CTSZ: variants seen among roughly 807,000 people sequenced by gnomAD.
CTSZ encodes the protein carboxypeptidase LB.
CTSZ carries 39 observed loss-of-function variants against 32.4 expected under a neutral mutation model. The ratio of observed to expected loss-of-function variants is 1.20; its 90% CI spans 0.93 to 1.57. CTSZ has a LOEUF of 1.57. Ranked by LOEUF, CTSZ falls within the 40% of genes most tolerant of loss-of-function variation. CTSZ has a pLI of 0.00. For synonymous variants in CTSZ, 168 were observed against 170.1 expected, an observed-to-expected ratio of 0.99 and a Z score of 0.10; for missense variants, 397 against 419.6, an observed-to-expected ratio of 0.95 and a Z score of 0.47.
Position 59,007,086 on chromosome 20 carries a change from C to G in CTSZ, c.43G>C (p.Val15Leu), listed in dbSNP as rs2091912176. ...CCCTGCGCCGCGCCCGCCAGCAGCA[C>G]GAGCAGCAGAAGCGGCCGCCACCCT... Reference protein sequence around the residue: ...GPGWRPLLLLVLLAGAAQGGL... With the variant: ...GPGWRPLLLLLLLAGAAQGGL... The change falls in exon 1 of 6, where the codon GTG becomes CTG. Residue 15 changes from valine (V) to leucine (L), a missense_variant. Coordinates refer to ENST00000217131, the MANE Select transcript of CTSZ (RefSeq NM_001336.4). 3 of 1,455,526 alleles carry G rather than the reference C, an allele frequency of 2.1e-6. No individual in the cohort carries two copies. Among genetic ancestry groups the G allele is most frequent in the Admixed American group, 2.5e-5 (1 of 39,568 alleles). 90.2% of individuals were successfully genotyped at this position (1,455,526 alleles called of 1,614,324 possible).
intron 2 of CTSZ, among the ~76,000 whole-genome samples, chr20:59,005,474 C>T (rs1352818422): frequency 6.6e-6 from 1 of 152,240 alleles, no homozygotes; most frequent in Non-Finnish European, 1.5e-5. Context: ...GGAGCACACG[C>T]AAACGCATGT....
At chr20:58,999,601 G>A (rs566321974) in intron 3 of CTSZ, among the ~76,000 whole-genome samples, 89 of 152,360 alleles carry the variant, frequency 5.8e-4, no homozygotes, top group African/African-American at 2.0e-3. Flanking sequence ...AGGCAAGGGA[G>A]CCCCGTTGGC....
chr20:59,000,430 G>A (rs1950342154), intron 3 of CTSZ, among the ~76,000 whole-genome samples: 1 of 152,230 alleles, frequency 6.6e-6, no homozygotes. Context: ...ATTAGGGTCT[G>A]GACTTTTCTT....
intron 3 of CTSZ, 144 bp downstream of exon 3, chr20:59,001,321 G>A: frequency 4.3e-6 from 4 of 925,158 alleles, no homozygotes; most frequent in Non-Finnish European, 6.4e-6. Context: ...GCCCCTGGGG[G>A]CTGCAACCTC....
intron 1 of CTSZ, 70 bp from the exon 2 acceptor site, chr20:59,006,555 G>C (rs1444281118): frequency 4.0e-6 from 6 of 1,496,430 alleles, no homozygotes; most frequent in African/African-American, 1.4e-5. Context: ...GGAAGCCCTC[G>C]GTAGGGCCCT....
chr20:59,006,540 G>A, intron 1 of CTSZ, 55 bp from the exon 2 acceptor site: 2 of 1,547,698 alleles, frequency 1.3e-6, no homozygotes, highest in South Asian at 1.2e-5. Context: ...GGGGCCGTGG[G>A]CCCAGGAAGC....
At position 59,004,437 on chromosome 20, in the gene CTSZ, G is replaced by A. The variant is rs77172256; in HGVS notation, c.307+1885C>T. On this transcript the variant is annotated intron_variant, in intron 2 of 5. Coordinates refer to ENST00000217131, the MANE Select transcript of CTSZ (RefSeq NM_001336.4). The surrounding 1 kb of genome is among the most constrained non-coding windows in gnomAD (Gnocchi z 5.6). Reference sequence around the variant, plus strand: ...GGAGAATGCTTCACGGTGGGCCCCAGGTGGCAGTGGAAAGAACAGTGCCGG... The same window carrying A: ...GGAGAATGCTTCACGGTGGGCCCCAAGTGGCAGTGGAAAGAACAGTGCCGG... 1.8e-3 allele frequency among the ~76,000 whole-genome samples: 277 copies of A among 152,232 alleles called. 3 individuals are homozygous for A. Among genetic ancestry groups the A allele is most frequent in the African/African-American group, 6.5e-3 (270 of 41,538 alleles).
At chr20:59,003,713 C>T (rs2091898538) in intron 2 of CTSZ, among the ~76,000 whole-genome samples, 1 of 152,108 alleles carries the variant, frequency 6.6e-6, no homozygotes, top group East Asian at 1.9e-4. Context: ...GGGAGGGAGC[C>T]ATGGGACCTC....
chr20:59,006,487 T>C lies in CTSZ; in HGVS notation c.144-2A>G. The C allele has an allele frequency of 1.9e-6, 3 of 1,610,130 alleles. No individual in the cohort carries two copies. The highest frequency in any genetic ancestry group is 2.5e-6 in the Non-Finnish European group (3 of 1,178,822). ...TACTCATGAGGCCGGGGGTATGTGC[T>C]GAGAAGAGATCATCCCCACCCAGAT... On this transcript the variant is annotated splice_acceptor_variant, in intron 1 of 5. Coordinates refer to ENST00000217131, the MANE Select transcript of CTSZ (RefSeq NM_001336.4). LOFTEE classifies it high-confidence loss of function.
intron 2 of CTSZ, 188 bp downstream of exon 2, chr20:59,006,134 C>G: frequency 1.5e-6 from 1 of 683,362 alleles, no homozygotes; most frequent in Non-Finnish European, 2.4e-6. Context: ...CCAAAAGCCC[C>G]AGAATGACCC....
chr20:59,006,354 C>T lies in CTSZ; in HGVS notation c.275G>A (p.Cys92Tyr). 6.2e-7 allele frequency: 1 copy of T among 1,613,236 alleles called. No homozygotes were observed. The highest frequency in any genetic ancestry group is 8.5e-7 in the Non-Finnish European group (1 of 1,179,796). Residue 92 changes from cysteine to tyrosine, a missense_variant, in exon 2 of 6, where the codon TGC becomes TAC. Transcript: ENST00000217131. ...NQHIPQYCGS[C>Y]WAHASTSAMA... ...AGCGCTGGTGCTGGCGTGGGCCCAG[C>T]AGGAGCCGCAGTATTGGGGGATGTG...
chr20:58,995,821 G>A (rs1452145456), intron 5 of CTSZ, 62 bp from the exon 6 acceptor site: 7 of 1,464,676 alleles, frequency 4.8e-6, no homozygotes, highest in African/African-American at 1.4e-5. Context: ...CCTTGCTGCC[G>A]TCAGCCCCCT....
At position 59,007,010 on chromosome 20, in the gene CTSZ, TC is replaced by T; in HGVS notation, c.118del (p.Asp40ThrfsTer163). ...CCTGCGCCCCAGCGGAGCCAGCCCG[TC>T]CCCCCGCAGAGGCCGGTAGCAGGTC... The part of the protein sequence containing the change: ...GQTCYRPLRG[D>X]GLAPLGRSTY... On this transcript the variant is annotated frameshift_variant, in exon 1 of 6. Coordinates refer to ENST00000217131, the MANE Select transcript of CTSZ (RefSeq NM_001336.4). LOFTEE classifies it high-confidence loss of function. 2.7e-6 allele frequency: 4 copies of T among 1,468,172 alleles called. No individual in the cohort carries two copies. Among genetic ancestry groups the T allele is most frequent in the Non-Finnish European group, 3.6e-6 (4 of 1,116,956 alleles). The allele number at this position is 1,468,172 out of a possible 1,614,324, so 90.9% of individuals were successfully genotyped here.
chr20:59,000,251 GC>G (rs1176430237), intron 3 of CTSZ, among the ~76,000 whole-genome samples: 6 of 152,038 alleles, frequency 3.9e-5, no homozygotes, highest in Admixed American at 6.5e-5. Flanking sequence ...GGTGGCGCAT[GC>G]CTGTAATCCC....
At position 58,995,394 on chromosome 20, in the gene CTSZ, C is replaced by T. The variant is rs2091852603; in HGVS notation, c.*255G>A. 3 of 420,646 alleles carry T rather than the reference C, an allele frequency of 7.1e-6. No homozygotes were observed. The South Asian group carries it at 1.6e-4, about 23-fold the overall frequency. 26.1% of individuals were successfully genotyped at this position (420,646 alleles called of 1,614,324 possible). On this transcript the variant is annotated 3_prime_UTR_variant, in exon 6 of 6. Transcript: ENST00000217131. ...GAAGAAGACTGAGGTCCCATCGTTT[C>T]CTGTGTCGCAGGTCACTTCTTCACC...
intron 2 of CTSZ, among the ~76,000 whole-genome samples, chr20:59,003,815 G>A (rs1197576428): frequency 1.3e-5 from 2 of 152,262 alleles, no homozygotes; most frequent in Admixed American, 6.5e-5. Flanking sequence ...GAGGGAGCCC[G>A]ATGGTGAAGG....
In CTSZ at chr20:59,007,160, G is replaced by A; in HGVS notation, c.-32C>T. The stretch of plus-strand genomic sequence containing the variant: ...GCGCCGGCTCCTGGGTCCCGCTCCG[G>A]ATCCCGCTCCGAGTCCCAGATCCCG... On this transcript the variant is annotated 5_prime_UTR_variant, in exon 1 of 6. Coordinates refer to ENST00000217131, the MANE Select transcript of CTSZ (RefSeq NM_001336.4). 7.6e-7 allele frequency: 1 copy of A among 1,316,640 alleles called. No individual in the cohort carries two copies. The highest frequency in any genetic ancestry group is 9.6e-7 in the Non-Finnish European group (1 of 1,040,884). 81.6% of individuals were successfully genotyped at this position (1,316,640 alleles called of 1,614,324 possible).
At chr20:59,006,062 G>A in intron 2 of CTSZ, 2 of 515,920 alleles carry the variant, frequency 3.9e-6, no homozygotes, top group Non-Finnish European at 6.9e-6. Flanking sequence ...ACAAGCTTTG[G>A]GGGAGAGAGG....
In CTSZ at chr20:59,006,388, G is replaced by A. The variant is rs763001927; in HGVS notation, c.241C>T (p.Arg81Trp). 34 of 1,613,880 alleles carry A rather than the reference G, an allele frequency of 2.1e-5. No individual in the cohort carries two copies. The highest frequency in any genetic ancestry group is 2.7e-5 in the African/African-American group (2 of 74,958). ...CAGTATTGGGGGATGTGCTGGTTCC[G>A]GGTGATGCTGGCATAGTTGACACCA... is the stretch of plus-strand genomic sequence containing the variant. Reference protein sequence around the residue: ...VDGVNYASITRNQHIPQYCGS... With the variant: ...VDGVNYASITWNQHIPQYCGS... The change falls in exon 2 of 6, where the codon CGG (arginine) becomes TGG (tryptophan). Residue 81 changes from arginine to tryptophan, a missense_variant. Coordinates refer to ENST00000217131, the MANE Select transcript of CTSZ (RefSeq NM_001336.4).
Sources: allele counts gnomAD v4.1 joint callset (sites outside exome capture counted in the v4.1 genomes callset), GRCh38; gene constraint gnomAD v4.1.1; non-coding constraint Gnocchi (gnomAD v3.1); transcripts MANE v1.5; gene names NCBI Gene and HGNC (gene_info 2026-07-23, HGNC 2026-07-21).